The following GOPC variants were observed in gnomAD, a reference collection of about 807,000 sequenced individuals.
GOPC encodes the protein Golgi-associated PDZ and coiled-coil motif-containing protein.
GOPC carries 32 observed loss-of-function variants against 51.2 expected under a neutral mutation model. That is an observed-to-expected ratio of 0.63 (90% CI 0.47 to 0.84). GOPC has a LOEUF of 0.84. Among genes scored for constraint, GOPC ranks in the 40% least tolerant of loss-of-function variants. The probability of loss-of-function intolerance (pLI) is 0.00; values close to 1 mark genes in which losing one functional copy is unlikely to be tolerated. For synonymous variants in GOPC, 190 were observed against 205.1 expected (o/e 0.93, Z 0.63); for missense variants, 441 against 555.5 (o/e 0.79, Z 2.07).
chr6:117,573,192 GA>G (rs1313218253), intron 5 of GOPC, among the ~76,000 whole-genome samples: 4 of 152,108 alleles, frequency 2.6e-5, no homozygotes, highest in Non-Finnish European at 5.9e-5. Context: ...CATGATCCAG[GA>G]AAAACTGGAA....
chr6:117,576,621 A>C (rs1779884338), intron 3 of GOPC, among the ~76,000 whole-genome samples: 1 of 152,122 alleles, frequency 6.6e-6, no homozygotes. Context: ...ACATTAATGA[A>C]ATGTGGGAGA....
chr6:117,582,351 G>T (rs547618486), intron 1 of GOPC, among the ~76,000 whole-genome samples: 1 of 150,246 alleles, frequency 6.7e-6, no homozygotes, highest in Admixed American at 6.6e-5. Flanking sequence ...GGCAGATGGG[G>T]GTGTGTCCTC....
At chr6:117,567,905 A>T (rs1779730168) in intron 7 of GOPC, among the ~76,000 whole-genome samples, 1 of 151,830 alleles carries the variant, frequency 6.6e-6, no homozygotes. Flanking sequence ...AAAGTTACAG[A>T]TCATGCCAGG....
chr6:117,593,824 T>C (rs550365192), intron 1 of GOPC, among the ~76,000 whole-genome samples: 1 of 152,320 alleles, frequency 6.6e-6, no homozygotes, highest in South Asian at 2.1e-4. Flanking sequence ...CTTGGATTTA[T>C]CCTGAACTCC....
Position 117,563,401 on chromosome 6 carries a change from A to T in GOPC, c.1259-17T>A. On this transcript the variant is annotated splice_polypyrimidine_tract_variant and intron_variant, in intron 8 of 8. Transcript: ENST00000368498. ...TATTAAATCCTGAAAGAAAGGAGAA[A>T]AAAAAAGCAGACACTTTCTGGTTTA... is the stretch of plus-strand genomic sequence containing the variant. 6.2e-7 allele frequency: 1 copy of T among 1,611,922 alleles called. No individual in the cohort carries two copies. The highest frequency in any genetic ancestry group is 8.5e-7 in the Non-Finnish European group (1 of 1,179,496).
At chr6:117,601,615 G>C (rs552456453) in intron 1 of GOPC, among the ~76,000 whole-genome samples, 1 of 152,316 alleles carries the variant, frequency 6.6e-6, no homozygotes, top group African/African-American at 2.4e-5. Context: ...TGCTGTATCT[G>C]TCTTAACATA....
In GOPC at chr6:117,563,374, C is replaced by T; in HGVS notation, c.1269G>A (p.Lys423=). 6.2e-7 allele frequency: 1 copy of T among 1,612,766 alleles called. No homozygotes were observed. Among genetic ancestry groups the T allele is most frequent in the South Asian group, 1.1e-5 (1 of 90,864 alleles). ...GEIKVLQGFN[K]KAVTDTHENG... ...TTTCATGTGTGTCAGTTACTGCCTT[C>T]TTATTAAATCCTGAAAGAAAGGAGA... Residue 423 remains lysine (K), a synonymous_variant, in exon 9 of 9, where the codon AAG becomes AAA. Transcript: ENST00000368498.
At chr6:117,577,291 G>C (rs1237986198) in intron 3 of GOPC, among the ~76,000 whole-genome samples, 157 bp downstream of exon 3, 2 of 151,950 alleles carry the variant, frequency 1.3e-5, no homozygotes, top group Non-Finnish European at 2.9e-5. Context: ...AAGAGCAATG[G>C]GCCATCCACT....
rs185666505 is a variant in GOPC, at chr6:117,597,749, A to T, written c.285+4255T>A. ...ATGTAATCTATGTTCTCAAAAAACT[A>T]AAAATAGAACATATACACTAGGGAT... On this transcript the variant is annotated intron_variant, in intron 1 of 8. Transcript: ENST00000368498. Among the ~76,000 whole-genome samples, 384 of 152,344 alleles carry T rather than the reference A, an allele frequency of 2.5e-3. 3 individuals are homozygous for T. The highest frequency in any genetic ancestry group is 8.9e-3 in the African/African-American group (371 of 41,570).
chr6:117,583,659 C>A (rs1410619644), intron 1 of GOPC, among the ~76,000 whole-genome samples: 1 of 152,056 alleles, frequency 6.6e-6, no homozygotes, highest in African/African-American at 2.4e-5. Flanking sequence ...TAAAAATGTA[C>A]CTTTTTTTAA....
intron 5 of GOPC, among the ~76,000 whole-genome samples, chr6:117,572,797 T>C (rs934571076): frequency 3.0e-4 from 45 of 152,192 alleles, no homozygotes; most frequent in African/African-American, 1.1e-3. Context: ...TACCAATTCT[T>C]CTTACAAAAA....
Position 117,602,453 on chromosome 6 carries a change from T to A in GOPC, c.-165A>T. On this transcript the variant is annotated 5_prime_UTR_variant, in exon 1 of 9. Coordinates refer to ENST00000368498, the MANE Select transcript of GOPC (RefSeq NM_020399.4). ...CAGCACAGTCACAGAACCGCAGGAG[T>A]AACGAGGCTGAAGCTGAGGCGGCAA... The A allele has an allele frequency of 3.0e-6, 2 of 662,808 alleles. No homozygotes were observed. The highest frequency in any genetic ancestry group is 5.0e-6 in the Non-Finnish European group (2 of 396,752). 41.1% of individuals were successfully genotyped at this position (662,808 alleles called of 1,614,324 possible). A position where few individuals can be genotyped will look rare whatever the true frequency, so the allele number is the denominator to read the frequency against.
At chr6:117,588,266 G>A (rs1780061961) in intron 1 of GOPC, among the ~76,000 whole-genome samples, 2 of 151,962 alleles carry the variant, frequency 1.3e-5, no homozygotes, top group South Asian at 4.2e-4. Flanking sequence ...GGCTGGGGAG[G>A]CCTCAGCAAA....
At chr6:117,567,092 A>T (rs1420486112) in intron 7 of GOPC, 58 bp from the exon 8 acceptor site, 1 of 1,334,646 alleles carries the variant, frequency 7.5e-7, no homozygotes, top group African/African-American at 1.5e-5. Context: ...TTTAAAAAGG[A>T]TTTCCAAATT....
intron 1 of GOPC, among the ~76,000 whole-genome samples, chr6:117,593,488 T>A (rs575513796): frequency 6.6e-6 from 1 of 152,340 alleles, no homozygotes; most frequent in African/African-American, 2.4e-5. Context: ...CACTTCTTGC[T>A]ATCTATTCAG....
Position 117,582,528 on chromosome 6 carries a change from C to CA in GOPC, c.286-3465dup, listed in dbSNP as rs137950592. 6.4e-3 allele frequency among the ~76,000 whole-genome samples: 973 copies of CA among 151,552 alleles called. 8 individuals are homozygous for CA. The highest frequency in any genetic ancestry group is 0.022 in the African/African-American group (897 of 41,310). On this transcript the variant is annotated intron_variant, in intron 1 of 8. Transcript: ENST00000368498. ...GCCTGCCCTGCCCCCCATCCTGTGCCAGTAAAGACCCCAGACTCAGCCAGT... is the reference window on the plus strand; with the variant it reads ...GCCTGCCCTGCCCCCCATCCTGTGCCAAGTAAAGACCCCAGACTCAGCCAGT...
At chr6:117,597,871 C>T (rs1780223505) in intron 1 of GOPC, among the ~76,000 whole-genome samples, 1 of 150,984 alleles carries the variant, frequency 6.6e-6, no homozygotes, top group Admixed American at 6.6e-5. Flanking sequence ...CGGAAGCAAT[C>T]TATATTTCCA....
At chr6:117,591,406 C>T (rs1353966028) in intron 1 of GOPC, among the ~76,000 whole-genome samples, 1 of 152,194 alleles carries the variant, frequency 6.6e-6, no homozygotes, top group Non-Finnish European at 1.5e-5. Context: ...GACCTTCAAA[C>T]AGCTTACATT....
chr6:117,583,268 A>T (rs1772640453), intron 1 of GOPC, among the ~76,000 whole-genome samples: 1 of 152,196 alleles, frequency 6.6e-6, no homozygotes, highest in South Asian at 2.1e-4. Context: ...TAAACAGGGC[A>T]CCCCTGTCGT....
Sources: allele counts gnomAD v4.1 joint callset (sites outside exome capture counted in the v4.1 genomes callset), GRCh38; gene constraint gnomAD v4.1.1; transcripts MANE v1.5; gene names NCBI Gene and HGNC (gene_info 2026-07-23, HGNC 2026-07-21).